Variants in ABCA6 observed in about 807,000 individuals in gnomAD.
ABCA6 encodes ATP-binding cassette sub-family A member 6.
In ABCA6, 164 loss-of-function variants were observed where a neutral mutation model predicts 191.2. The ratio of observed to expected loss-of-function variants is 0.86; its 90% CI spans 0.76 to 0.98. The LOEUF is 0.98. Ranked by LOEUF, ABCA6 falls within the 50% of genes least tolerant of loss-of-function variation. ABCA6 has a pLI of 0.00. For missense variants in ABCA6, 1,958 were observed against 1,894.1 expected (o/e 1.03, Z -0.63); for synonymous variants, 636 against 647.7 (o/e 0.98, Z 0.27).
intron 9 of ABCA6, 23 bp from the exon 10 acceptor site, chr17:69,123,430 A>ATTG: frequency 7.0e-7 from 1 of 1,435,084 alleles, no homozygotes; most frequent in Non-Finnish European, 9.3e-7. Flanking sequence ...GAGGCAACAA[A>ATTG]ATATGATCAG....
chr17:69,113,171 C>T (rs1301767784), intron 15 of ABCA6, 51 bp downstream of exon 15: 1 of 1,567,034 alleles, frequency 6.4e-7, no homozygotes, highest in Non-Finnish European at 8.6e-7. Context: ...GACCTCGCTT[C>T]TAAATTCCCC....
intron 8 of ABCA6, among the ~76,000 whole-genome samples, chr17:69,125,805 T>A: frequency 6.6e-6 from 1 of 152,048 alleles, no homozygotes; most frequent in Non-Finnish European, 1.5e-5. Context: ...TCAATGTAAT[T>A]CAACATCAAA....
chr17:69,136,121 T>C lies in ABCA6; in HGVS notation c.431A>G (p.Asn144Ser), dbSNP rs754494465. ...GAAATCTTCTTTCCAAAGTGGACTG[T>C]TATATCCCTGGAAAAATATTAACTT... Reference protein sequence around the residue: ...SYKLIFFQGYNSPLWKEDFSA... With the variant: ...SYKLIFFQGYSSPLWKEDFSA... Residue 144 changes from asparagine to serine, a missense_variant, in exon 4 of 39, where the codon AAC (asparagine) becomes AGC (serine). Transcript: ENST00000284425. The C allele has an allele frequency of 1.2e-6, 2 of 1,610,460 alleles. No individual in the cohort carries two copies. The highest frequency in any genetic ancestry group is 2.7e-5 in the African/African-American group (2 of 74,896).
At chr17:69,088,707 C>G (rs576259784) in intron 27 of ABCA6, among the ~76,000 whole-genome samples, 69 of 152,228 alleles carry the variant, frequency 4.5e-4, no homozygotes, top group African/African-American at 1.7e-3. Flanking sequence ...CCAATGACTC[C>G]TCCTCCATCA....
chr17:69,132,965 T>C (rs533362365), intron 6 of ABCA6, among the ~76,000 whole-genome samples: 1 of 152,180 alleles, frequency 6.6e-6, no homozygotes, highest in Non-Finnish European at 1.5e-5. Context: ...ACATAGCACA[T>C]ATGTATGTGT....
Position 69,133,859 on chromosome 17 carries a change from G to C in ABCA6, c.573C>G (p.Thr191=). The change falls in exon 6 of 39, where the codon ACC becomes ACG. Residue 191 remains threonine, a synonymous_variant. Transcript: ENST00000284425. ...TCAACTCCTCCATCACAGGGTGATT[G>C]GTTGTGATCTAAAGTAGAGTTTAAA... is the stretch of plus-strand genomic sequence containing the variant. ...AINTAIIEIT[T]NHPVMEELMS... is the part of the protein sequence containing the mutation. The C allele has an allele frequency of 1.9e-6, 3 of 1,583,626 alleles. No individual in the cohort carries two copies. Among genetic ancestry groups the C allele is most frequent in the Non-Finnish European group, 1.7e-6 (2 of 1,164,438 alleles).
At chr17:69,105,276 T>C (rs1182857148) in intron 20 of ABCA6, 186 bp downstream of exon 20, 5 of 598,670 alleles carry the variant, frequency 8.4e-6, no homozygotes, top group Admixed American at 3.7e-5. Flanking sequence ...TTTTCTCTTG[T>C]CCTCATCATC....
At chr17:69,140,805 T>G in intron 1 of ABCA6, 57 bp from the exon 2 acceptor site, 1 of 541,016 alleles carries the variant, frequency 1.8e-6, no homozygotes, top group Non-Finnish European at 3.1e-6. Context: ...AGGAAAATAT[T>G]TACTACCTTT....
chr17:69,110,518 C>T (rs2073402166), intron 17 of ABCA6: 5 of 293,262 alleles, frequency 1.7e-5, no homozygotes, highest in Non-Finnish European at 3.2e-5. Context: ...ATTTCCCTCC[C>T]GTGGGCATTG....
chr17:69,135,016 G>GA (rs2073927600), intron 4 of ABCA6, among the ~76,000 whole-genome samples: 1 of 151,014 alleles, frequency 6.6e-6, no homozygotes, highest in Non-Finnish European at 1.5e-5. Context: ...CCAAAGCTGG[G>GA]ATTATAGGCA....
At chr17:69,093,329 G>A (rs1001007869) in intron 25 of ABCA6, among the ~76,000 whole-genome samples, 3 of 152,116 alleles carry the variant, frequency 2.0e-5, no homozygotes, top group Admixed American at 6.6e-5. Context: ...CACCTCCGCC[G>A]AAGTTAAAGT....
In ABCA6 at chr17:69,137,397, A is replaced by G. The variant is rs1598068715; in HGVS notation, c.200T>C (p.Val67Ala). 1.2e-6 allele frequency: 2 copies of G among 1,613,554 alleles called. No homozygotes were observed. Among genetic ancestry groups the G allele is most frequent in the Non-Finnish European group, 1.7e-6 (2 of 1,179,782 alleles). Residue 67 changes from valine to alanine, a missense_variant, in exon 3 of 39, where the codon GTA (valine) becomes GCA (alanine). Transcript: ENST00000284425. ...TAAAGAAGAGCTATTAAATTTATCT[A>G]CCCTTCCCAGATTCTGAGGAGCCAT... Reference protein sequence around the residue: ...PGMAPQNLGRVDKFNSSSLMV... With the variant: ...PGMAPQNLGRADKFNSSSLMV...
chr17:69,134,429 G>A (rs1309036543), intron 5 of ABCA6, among the ~76,000 whole-genome samples: 1 of 152,118 alleles, frequency 6.6e-6, no homozygotes, highest in Non-Finnish European at 1.5e-5. Flanking sequence ...TATGAGGAAT[G>A]GACCTTTACC....
intron 10 of ABCA6, among the ~76,000 whole-genome samples, chr17:69,118,443 G>C (rs1035328467): frequency 6.6e-6 from 1 of 151,884 alleles, no homozygotes; most frequent in Non-Finnish European, 1.5e-5. Context: ...TCCCTGTATT[G>C]TACAAAATTC....
In ABCA6 at chr17:69,096,276, T is replaced by C; in HGVS notation, c.3372A>G (p.Arg1124=). 6.5e-7 allele frequency: 1 copy of C among 1,529,284 alleles called. No individual in the cohort carries two copies. Among genetic ancestry groups the C allele is most frequent in the East Asian group, 2.3e-5 (1 of 43,408 alleles). 94.7% of individuals were successfully genotyped at this position (1,529,284 alleles called of 1,614,324 possible). ...YMISFIFRKR[R]KNSGLWSFYF... The stretch of plus-strand genomic sequence containing the variant: ...AAAATGACCAAAGGCCACTGTTTTT[T>C]CTCCTTTTGCGAAAAATAAATGATA... The change falls in exon 25 of 39, where the codon AGA becomes AGG. Residue 1124 remains arginine, a synonymous_variant. Coordinates refer to ENST00000284425, the MANE Select transcript of ABCA6 (RefSeq NM_080284.3).
chr17:69,090,497 A>G (rs533464293), intron 26 of ABCA6, among the ~76,000 whole-genome samples: 2 of 152,272 alleles, frequency 1.3e-5, no homozygotes, highest in South Asian at 4.1e-4. Flanking sequence ...TCCCCAGAAG[A>G]ATTGTCTGAC....
rs756956347 is a variant in ABCA6 at position 69,114,828 on chromosome 17, GGTGA to G, written c.1712_1715del (p.Leu571ProfsTer2). On this transcript the variant is annotated frameshift_variant, in exon 13 of 39. Transcript: ENST00000284425. LOFTEE classifies it high-confidence loss of function. ...CAAACAGGCTGAGGTTTTCCTTCAC[GGTGA>G]GTATGTCAAATTGAACATTGAATTG... is the stretch of plus-strand genomic sequence containing the variant. 8.5e-5 allele frequency: 137 copies of G among 1,612,326 alleles called. 1 individual carries two copies. Among genetic ancestry groups the G allele is most frequent in the Admixed American group, 6.7e-5 (4 of 59,802 alleles).
In ABCA6 at chr17:69,087,492, G is replaced by C; in HGVS notation, c.3699-19C>G. Reference sequence around the variant, plus strand: ...GGAAATTCTATGGAGAAAATGAAATGTGTTACATGTGGTATTCTAGCTGTT... The same window carrying C: ...GGAAATTCTATGGAGAAAATGAAATCTGTTACATGTGGTATTCTAGCTGTT... On this transcript the variant is annotated intron_variant, in intron 28 of 38. Coordinates refer to ENST00000284425, the MANE Select transcript of ABCA6 (RefSeq NM_080284.3). 6.2e-7 allele frequency: 1 copy of C among 1,612,702 alleles called. No individual in the cohort carries two copies. Among genetic ancestry groups the C allele is most frequent in the Non-Finnish European group, 8.5e-7 (1 of 1,179,482 alleles).
chr17:69,087,313 A>G (rs2072822716), intron 29 of ABCA6, 40 bp downstream of exon 29: 1 of 1,601,336 alleles, frequency 6.2e-7, no homozygotes, highest in South Asian at 1.1e-5. Flanking sequence ...CAGTTCTTGA[A>G]TATCTCCATT....
Sources: gnomAD v4.1 joint callset for allele counts (sites outside exome capture counted in the v4.1 genomes callset) on GRCh38, gnomAD v4.1.1 for gene constraint, MANE v1.5 for transcripts, NCBI Gene and HGNC (gene_info 2026-07-23, HGNC 2026-07-21) for gene names.